The following SFTPA1 variants were observed in gnomAD, a reference collection of about 807,000 sequenced individuals.
SFTPA1 encodes the protein pulmonary surfactant-associated protein A1.
A neutral mutation model predicts 19.1 loss-of-function variants in SFTPA1; 13 were observed. That is an observed-to-expected ratio of 0.68 (90% confidence interval 0.44 to 1.08). The LOEUF (loss-of-function observed/expected upper bound fraction) is 1.08, where lower values mean the gene tolerates loss of function less well. Among genes scored for constraint, SFTPA1 ranks in the 50% least tolerant of loss-of-function variants. The pLI is 0.00. For synonymous variants in SFTPA1, 101 were observed against 117.0 expected (o/e 0.86, Z 0.88); for missense variants, 259 against 316.4 (o/e 0.82, Z 1.38).
Position 79,614,291 on chromosome 10 carries a change from A to C in SFTPA1, c.*178A>C. 3.0e-6 allele frequency: 3 copies of C among 995,688 alleles called. No homozygotes were observed. 61.7% of individuals were successfully genotyped at this position (995,688 alleles called of 1,614,324 possible). A position where few individuals can be genotyped will look rare whatever the true frequency, so the allele number is the denominator to read the frequency against. On this transcript the variant is annotated 3_prime_UTR_variant, in exon 6 of 6. Transcript: ENST00000398636. ...CTGATGGGCCCTGACTCTTCCCCAT[A>C]ATCACTGACCAGCCTTGACACTCCC...
Position 79,615,028 on chromosome 10 carries a change from T to A in SFTPA1, c.*915T>A. On this transcript the variant is annotated 3_prime_UTR_variant, in exon 6 of 6. Coordinates refer to ENST00000398636, the MANE Select transcript of SFTPA1 (RefSeq NM_005411.5). ...AAGGTAATCAGTGACAGTTGAAGAT[T>A]TTTTTTTCCCAGAGCTTATGTCTTC... The A allele has an allele frequency of 7.7e-7, 1 of 1,305,248 alleles. No homozygotes were observed. The highest frequency in any genetic ancestry group is 1.0e-6 in the Non-Finnish European group (1 of 988,914). The allele number at this position is 1,305,248 out of a possible 1,614,324, so 80.9% of individuals were successfully genotyped here.
chr10:79,611,166 T>A (rs1859826590), intron 1 of SFTPA1, among the ~76,000 whole-genome samples, 153 bp from the exon 2 acceptor site: 1 of 152,174 alleles, frequency 6.6e-6, no homozygotes, highest in Non-Finnish European at 1.5e-5. Flanking sequence ...TCATGTTTGT[T>A]ATTTTCTTTG....
At chr10:79,612,273 G>C in intron 3 of SFTPA1, 39 bp from the exon 4 acceptor site, 1 of 1,613,802 alleles carries the variant, frequency 6.2e-7, no homozygotes, top group Non-Finnish European at 8.5e-7. Flanking sequence ...CCAGTTGTGG[G>C]TGACAGATCC....
At position 79,612,506 on chromosome 10, in the gene SFTPA1, G is replaced by A. The variant is rs1169128376; in HGVS notation, c.292+75G>A. 6 of 1,598,084 alleles carry A rather than the reference G, an allele frequency of 3.8e-6. No homozygotes were observed. In the African/African-American group the frequency reaches 4.0e-5, roughly 11 times the overall value. ...TGAAGTCAGTTACACGGGGATGATG[G>A]GGATCAGACAAACCCTACAGGTTCC... On this transcript the variant is annotated intron_variant, in intron 4 of 5. Transcript: ENST00000398636.
intron 5 of SFTPA1, 128 bp downstream of exon 5, chr10:79,613,394 CGCTT>C: frequency 2.1e-6 from 3 of 1,430,060 alleles, no homozygotes; most frequent in Non-Finnish European, 2.9e-6. Flanking sequence ...AAAGGAATGA[CGCTT>C]GCTTTTCTGA....
rs760416865 is a variant in SFTPA1, at chr10:79,611,884, G to T, written c.59G>T (p.Cys20Phe). The T allele has an allele frequency of 4.3e-6, 7 of 1,613,900 alleles. No homozygotes were observed. Among genetic ancestry groups the T allele is most frequent in the Non-Finnish European group, 8.5e-7 (1 of 1,179,872 alleles). Residue 20 changes from cysteine (C) to phenylalanine (F), a missense_variant, in exon 3 of 6, where the codon TGC becomes TTC. Coordinates refer to ENST00000398636, the MANE Select transcript of SFTPA1 (RefSeq NM_005411.5). ...TTGATGGCAGCCTCTGGTGCTGTGT[G>T]CGAAGTGAAGGACGTTTGTGTTGGA... ...LILMAASGAV[C>F]EVKDVCVGSP...
rs750925931 is a variant in SFTPA1 at position 79,615,051 on chromosome 10, T to G, written c.*938T>G. 28 of 1,305,228 alleles carry G rather than the reference T, an allele frequency of 2.1e-5. No individual in the cohort carries two copies. Among genetic ancestry groups the G allele is most frequent in the Non-Finnish European group, 2.5e-5 (25 of 988,954 alleles). The allele number at this position is 1,305,228 out of a possible 1,614,324, so 80.9% of individuals were successfully genotyped here. On this transcript the variant is annotated 3_prime_UTR_variant, in exon 6 of 6. Transcript: ENST00000398636. ...ATTTTTTTTTCCCAGAGCTTATGTC[T>G]TCATCTGTGAAATGGGAATAAGATA...
In SFTPA1 at chr10:79,613,744, T is replaced by C. The variant is rs1488858940; in HGVS notation, c.378T>C (p.Ser126=). The stretch of plus-strand genomic sequence containing the variant: ...GGACTCCTCTGCTCTCAGCCCTCAG[T>C]CTGCAGGGCTCCATAATGACAGTAG... ...HQILQTRGAL[S]LQGSIMTVGE... is the part of the protein sequence containing the mutation. The change falls in exon 6 of 6, where the codon AGT becomes AGC. Residue 126 remains serine (S), a synonymous_variant. Transcript: ENST00000398636. 1.9e-6 allele frequency: 3 copies of C among 1,613,950 alleles called. No individual in the cohort carries two copies. Among genetic ancestry groups the C allele is most frequent in the Admixed American group, 1.7e-5 (1 of 60,022 alleles).
At position 79,613,196 on chromosome 10, in the gene SFTPA1, A is replaced by G. The variant is rs1859964585; in HGVS notation, c.300A>G (p.Pro100=). ...EPGERGPPGL[P]AHLDEELQAT... ...GTGGGGCACTCTCCACAGGGCTTCC[A>G]GCTCATCTAGATGAGGAGCTCCAAG... Residue 100 remains proline, a synonymous_variant, in exon 5 of 6, where the codon CCA becomes CCG. Transcript: ENST00000398636. 3 of 1,614,076 alleles carry G rather than the reference A, an allele frequency of 1.9e-6. No homozygotes were observed. The African/African-American group carries it at 4.0e-5, about 22-fold the overall frequency.
intron 4 of SFTPA1, 58 bp downstream of exon 4, chr10:79,612,489 G>C (rs1289176548): frequency 1.2e-6 from 2 of 1,606,070 alleles, no homozygotes; most frequent in African/African-American, 2.7e-5. Flanking sequence ...CCTGAAGTCA[G>C]TTACACGGGG....
rs544598493 is a variant in SFTPA1, at chr10:79,611,671, G to C, written c.-23-132G>C. 4.4e-6 allele frequency: 7 copies of C among 1,574,750 alleles called. No individual in the cohort carries two copies. In the South Asian group the frequency reaches 5.7e-5, roughly 13 times the overall value. Reference sequence around the variant, plus strand: ...TGCTGGGAATTTTCCCGGGAGCTTCGGGTCTTCCCAGCACTCTGGTCTCGC... The same window carrying C: ...TGCTGGGAATTTTCCCGGGAGCTTCCGGTCTTCCCAGCACTCTGGTCTCGC... On this transcript the variant is annotated intron_variant, in intron 2 of 5. Transcript: ENST00000398636.
rs1433059344 is a variant in SFTPA1 at position 79,614,750 on chromosome 10, T to G, written c.*637T>G. ...TGTGTACGATTCACTCCTTTGAGTC[T>G]TTGAATGGCAACTCAGCCCCCTGAC... is the stretch of plus-strand genomic sequence containing the variant. On this transcript the variant is annotated 3_prime_UTR_variant, in exon 6 of 6. Coordinates refer to ENST00000398636, the MANE Select transcript of SFTPA1 (RefSeq NM_005411.5). The G allele has an allele frequency of 8.9e-6, 3 of 335,972 alleles. No individual in the cohort carries two copies. In the Admixed American group the frequency reaches 1.3e-4, roughly 15 times the overall value. The allele number at this position is 335,972 out of a possible 1,614,324, so 20.8% of individuals were successfully genotyped here.
At chr10:79,613,614 G>A in intron 5 of SFTPA1, 123 bp from the exon 6 acceptor site, 3 of 1,402,194 alleles carry the variant, frequency 2.1e-6, no homozygotes, top group Non-Finnish European at 3.0e-6. Flanking sequence ...AAGAGGAAGA[G>A]AAGACACAGA....
In SFTPA1 at chr10:79,614,207, T is replaced by G; in HGVS notation, c.*94T>G. The G allele has an allele frequency of 6.2e-7, 1 of 1,600,542 alleles. No homozygotes were observed. Among genetic ancestry groups the G allele is most frequent in the Non-Finnish European group, 8.5e-7 (1 of 1,170,800 alleles). On this transcript the variant is annotated 3_prime_UTR_variant, in exon 6 of 6. Coordinates refer to ENST00000398636, the MANE Select transcript of SFTPA1 (RefSeq NM_005411.5). ...GGTCTGTGAGATGCTAGAACTCCCT[T>G]TCAACAGAATTCACTTGTGGCTATT... is the stretch of plus-strand genomic sequence containing the variant.
At chr10:79,613,406 TG>T in intron 5 of SFTPA1, 140 bp downstream of exon 5, 2 of 1,375,422 alleles carry the variant, frequency 1.5e-6, no homozygotes, top group Non-Finnish European at 2.0e-6. Flanking sequence ...CTTGCTTTTC[TG>T]ATGTCTTTGA....
chr10:79,611,274 A>G lies in SFTPA1; in HGVS notation c.-94-45A>G, dbSNP rs537513657. 3.7e-5 allele frequency: 11 copies of G among 295,672 alleles called. No homozygotes were observed. In the South Asian group the frequency reaches 6.2e-4, roughly 17 times the overall value. 18.3% of individuals were successfully genotyped at this position (295,672 alleles called of 1,614,324 possible). A position where few individuals can be genotyped will look rare whatever the true frequency, so the allele number is the denominator to read the frequency against. The stretch of plus-strand genomic sequence containing the variant: ...GGGGACTCCATGACTGACCACCTTG[A>G]GGGGGGCCAGGCTGCGGGCCCCGTT... On this transcript the variant is annotated intron_variant, in intron 1 of 5. Transcript: ENST00000398636.
At chr10:79,612,036 A>G (rs1299245321) in intron 3 of SFTPA1, 39 bp downstream of exon 3, 2 of 1,609,882 alleles carry the variant, frequency 1.2e-6, no homozygotes, top group Non-Finnish European at 1.7e-6. Flanking sequence ...TGAGGGACAC[A>G]GACCCCTTTT....
At chr10:79,611,290 G>T (rs768092086) in intron 1 of SFTPA1, 29 bp from the exon 2 acceptor site, 9 of 316,710 alleles carry the variant, frequency 2.8e-5, no homozygotes, top group Non-Finnish European at 3.5e-5. Context: ...GCCAGGCTGC[G>T]GGCCCCGTTC....
Position 79,614,105 on chromosome 10 carries a change from G to A in SFTPA1, c.739G>A (p.Glu247Lys). Residue 247 changes from glutamate to lysine, a missense_variant, in exon 6 of 6, where the codon GAG becomes AAG. By Grantham distance (56) the Glu-to-Lys change is moderately conservative. Transcript: ENST00000398636. ...NCLYSRLTIC[E>K]F is the part of the protein sequence containing the mutation. ...CCTGTACTCCCGACTGACCATCTGT[G>A]AGTTCTGAGAGGCATTTAGGCCATG... 2 of 1,614,218 alleles carry A rather than the reference G, an allele frequency of 1.2e-6. No individual in the cohort carries two copies. Among genetic ancestry groups the A allele is most frequent in the Non-Finnish European group, 8.5e-7 (1 of 1,180,036 alleles).
Sources: allele counts gnomAD v4.1 joint callset (sites outside exome capture counted in the v4.1 genomes callset), GRCh38; gene constraint gnomAD v4.1.1; transcripts MANE v1.5; gene names NCBI Gene and HGNC (gene_info 2026-07-23, HGNC 2026-07-21).